The following PASK variants were observed in gnomAD, a reference collection of about 807,000 sequenced individuals.
The protein encoded by PASK is PAS domain containing serine/threonine kinase.
Under a neutral mutation model 121.0 loss-of-function variants are expected in PASK, and 110 were observed. The ratio of observed to expected loss-of-function variants is 0.91; its 90% CI spans 0.78 to 1.06. The LOEUF (loss-of-function observed/expected upper bound fraction) is 1.06, where lower values mean the gene tolerates loss of function less well. Among genes scored for constraint, PASK ranks in the 50% least tolerant of loss-of-function variants. The pLI is 0.00. For synonymous variants in PASK, 686 were observed against 717.8 expected (o/e 0.96, Z 0.71); for missense variants, 1,643 against 1,702.3 (o/e 0.97, Z 0.61).
intron 11 of PASK, 85 bp downstream of exon 11, chr2:241,123,864 A>C: frequency 8.6e-7 from 1 of 1,167,744 alleles, no homozygotes; most frequent in Non-Finnish European, 1.3e-6. Context: ...TCCCGTCCCC[A>C]AGGAAACAGA....
In PASK at chr2:241,138,638, A is replaced by G. The variant is rs1322162329; in HGVS notation, c.741+16T>C. 1 of 1,613,822 alleles carries G rather than the reference A, an allele frequency of 6.2e-7. No homozygotes were observed. The highest frequency in any genetic ancestry group is 1.1e-5 in the South Asian group (1 of 91,090). On this transcript the variant is annotated intron_variant, in intron 5 of 17. Transcript: ENST00000234040. The stretch of plus-strand genomic sequence containing the variant: ...CTCCAGCGTCCATGAGACATGAGGC[A>G]AAGTTGCACACTCACATCGCTCTGG...
At chr2:241,114,988 G>A (rs3815305) in intron 14 of PASK, 55 bp downstream of exon 14, 192,506 of 1,613,218 alleles carry the variant, frequency 0.12, 16,605 homozygotes, top group East Asian at 0.43. Flanking sequence ...TGCAGCCACC[G>A]GACCCAGGCA....
rs1233434624 is a variant in PASK at position 241,127,427 on chromosome 2, G to A, written c.1488C>T (p.Ser496=). Reference sequence around the variant, plus strand: ...GCGCCTGTTCACCGTGCACTGGCAGGCTTCCTTCTGGGACATTGTCCACCC... The same window carrying A: ...GCGCCTGTTCACCGTGCACTGGCAGACTTCCTTCTGGGACATTGTCCACCC... ...APGVDNVPEG[S]LPVHGEQALP... The change falls in exon 10 of 18, where the codon AGC becomes AGT. Residue 496 remains serine, a synonymous_variant. Coordinates refer to ENST00000234040, the MANE Select transcript of PASK (RefSeq NM_015148.4). 1 of 1,613,930 alleles carries A rather than the reference G, an allele frequency of 6.2e-7. No homozygotes were observed. The highest frequency in any genetic ancestry group is 1.3e-5 in the African/African-American group (1 of 74,924).
intron 6 of PASK, 81 bp from the exon 7 acceptor site, chr2:241,137,345 T>G (rs2066483304): frequency 2.6e-6 from 3 of 1,140,552 alleles, no homozygotes; most frequent in Non-Finnish European, 4.0e-6. Flanking sequence ...CCGACCCGAC[T>G]TCTACCCCAC....
At chr2:241,136,126 G>A (rs1405961294) in intron 7 of PASK, 87 bp from the exon 8 acceptor site, 6 of 1,178,986 alleles carry the variant, frequency 5.1e-6, no homozygotes, top group East Asian at 2.3e-5. Context: ...ATGAACACAA[G>A]GAGAGCCAGT....
upstream of PASK, chr2:241,149,742 C>T (rs774247045): frequency 8.4e-6 from 13 of 1,544,364 alleles, 1 homozygote; most frequent in South Asian, 1.5e-4. Context: ...TTGGAGGCCT[C>T]TTTCTGAAGG....
At chr2:241,136,244 G>T (rs2066426178) in intron 7 of PASK, among the ~76,000 whole-genome samples, 1 of 152,212 alleles carries the variant, frequency 6.6e-6, no homozygotes, top group African/African-American at 2.4e-5. Context: ...TTCCCCTTAA[G>T]AAAAAGGTAA....
intron 11 of PASK, among the ~76,000 whole-genome samples, chr2:241,123,174 CTTTTTTT>C (rs528024638): frequency 7.5e-6 from 1 of 132,932 alleles, no homozygotes; most frequent in Non-Finnish European, 1.6e-5. Flanking sequence ...AAAGTGGCTT[CTTTTTTT>C]TTTTTTTTTT....
Position 241,139,819 on chromosome 2 carries a change from G to A in PASK, c.600+66C>T, listed in dbSNP as rs1447164431. Reference sequence around the variant, plus strand: ...AGCAGAGCTCCTGGTAGGGAACACTGAGCTGTTCCTGCCACACACTGCTGG... The same window carrying A: ...AGCAGAGCTCCTGGTAGGGAACACTAAGCTGTTCCTGCCACACACTGCTGG... On this transcript the variant is annotated intron_variant, in intron 4 of 17. Coordinates refer to ENST00000234040, the MANE Select transcript of PASK (RefSeq NM_015148.4). 1.1e-5 allele frequency: 16 copies of A among 1,467,882 alleles called. No individual in the cohort carries two copies. The East Asian group carries it at 1.6e-4, about 15-fold the overall frequency. The allele number at this position is 1,467,882 out of a possible 1,614,324, so 90.9% of individuals were successfully genotyped here.
At chr2:241,136,526 G>A (rs371275726) in intron 7 of PASK, among the ~76,000 whole-genome samples, 14 of 152,134 alleles carry the variant, frequency 9.2e-5, no homozygotes, top group African/African-American at 2.9e-4. Flanking sequence ...GCCAGAACCC[G>A]CTCTAACCTC....
In PASK at chr2:241,140,601, C is replaced by T. The variant is rs1329961737; in HGVS notation, c.349G>A (p.Gly117Arg). The T allele has an allele frequency of 1.9e-6, 3 of 1,614,146 alleles. No individual in the cohort carries two copies. The highest frequency in any genetic ancestry group is 2.7e-5 in the African/African-American group (2 of 75,020). ...CCSLLRGLSS[G>R]WSSPLLPAPV... ...GCCGGAAGCAGAGGTGAGGACCACC[C>T]TGAGGACAGTCCCCGCAGCAGGGAG... is the stretch of plus-strand genomic sequence containing the variant. Residue 117 changes from glycine to arginine, a missense_variant, in exon 3 of 18, where the codon GGG becomes AGG. Transcript: ENST00000234040.
chr2:241,134,889 C>G (rs1031199171), intron 8 of PASK: 5 of 152,380 alleles, frequency 3.3e-5, no homozygotes, highest in Admixed American at 3.3e-4. Context: ...TGAGCCCACG[C>G]TCCAGGTGGG....
chr2:241,120,984 C>T (rs1312206883), intron 12 of PASK, among the ~76,000 whole-genome samples: 1 of 152,162 alleles, frequency 6.6e-6, no homozygotes, highest in East Asian at 1.9e-4. Flanking sequence ...TGGAATATTA[C>T]TCGGTCATAA....
At chr2:241,111,613 TCC>T in intron 15 of PASK, among the ~76,000 whole-genome samples, 1 of 151,826 alleles carries the variant, frequency 6.6e-6, no homozygotes, top group Non-Finnish European at 1.5e-5. Context: ...CTCTCTAAAG[TCC>T]CCCGAGAGGA....
chr2:241,147,836 T>C (rs116667972), intron 1 of PASK, among the ~76,000 whole-genome samples: 67 of 152,294 alleles, frequency 4.4e-4, no homozygotes, highest in African/African-American at 1.6e-3. Context: ...GTTACAAGCC[T>C]ATCCAGGAGG....
At chr2:241,113,254 TTA>T (rs2065180106) in intron 14 of PASK, 1 of 152,230 alleles carries the variant, frequency 6.6e-6, no homozygotes, top group South Asian at 2.1e-4. Flanking sequence ...TGAGACAAAT[TTA>T]TATTTACAAA....
chr2:241,122,943 C>T (rs535145286), intron 11 of PASK, 44 bp from the exon 12 acceptor site: 68 of 1,596,340 alleles, frequency 4.3e-5, no homozygotes, highest in Non-Finnish European at 5.0e-5. Context: ...GCAACTGCAC[C>T]GGGCAGAGGT....
In PASK at chr2:241,126,939, G is replaced by C. The variant is rs1026829639; in HGVS notation, c.1976C>G (p.Thr659Ser). The C allele has an allele frequency of 2.5e-6, 4 of 1,614,192 alleles. 1 individual carries two copies. In the African/African-American group the frequency reaches 5.3e-5, roughly 22 times the overall value. The change falls in exon 10 of 18, where the codon ACC becomes AGC. Residue 659 changes from threonine to serine, a missense_variant. By Grantham distance (58) the Thr-to-Ser change is moderately conservative. Transcript: ENST00000234040. ...GVENDREELQ[T>S]CLIKEQLSQL... ...GGACAGCTGCTCCTTAATCAAGCAG[G>C]TCTGCAGCTCTTCTCGGTCGTTTTC...
chr2:241,121,086 G>C (rs1420393381), intron 12 of PASK, among the ~76,000 whole-genome samples: 1 of 152,260 alleles, frequency 6.6e-6, no homozygotes, highest in African/African-American at 2.4e-5. Context: ...AGAGCATGCT[G>C]TGCATGATTC....
Sources: allele counts gnomAD v4.1 joint callset (sites outside exome capture counted in the v4.1 genomes callset), GRCh38; gene constraint gnomAD v4.1.1; transcripts MANE v1.5; gene names NCBI Gene and HGNC (gene_info 2026-07-23, HGNC 2026-07-21).